The following DHX29 variants were observed in gnomAD, a reference collection of about 807,000 sequenced individuals.
DHX29 encodes the protein ATP-dependent RNA helicase DHX29.
A neutral mutation model predicts 167.9 loss-of-function variants in DHX29; 79 were observed. The observed-to-expected ratio is 0.47, with a 90% confidence interval of 0.39 to 0.57. The LOEUF (loss-of-function observed/expected upper bound fraction) is 0.57, where lower values mean the gene tolerates loss of function less well. DHX29 is among the 20% of genes least tolerant of loss of function. DHX29 has a pLI of 0.00. For missense variants in DHX29, 1,347 were observed against 1,593.4 expected (o/e 0.85, Z 2.63); for synonymous variants, 530 against 546.0 (o/e 0.97, Z 0.41).
intron 11 of DHX29, 22 bp downstream of exon 11, chr5:55,283,181 G>A (rs757138585): frequency 8.4e-6 from 13 of 1,556,770 alleles, no homozygotes; most frequent in African/African-American, 1.4e-5. Context: ...ATTCACTGAG[G>A]TGGAGTTGAA....
intron 1 of DHX29, among the ~76,000 whole-genome samples, chr5:55,301,713 C>CAAAAAA (rs70992777): frequency 1.5e-3 from 94 of 64,592 alleles, no homozygotes; most frequent in Admixed American, 1.7e-3. Flanking sequence ...AACTCCATCT[C>CAAAAAA]AAAAAAAAAA....
intron 24 of DHX29, 123 bp from the exon 25 acceptor site, chr5:55,261,622 TA>T: frequency 1.5e-6 from 1 of 682,058 alleles, no homozygotes; most frequent in Non-Finnish European, 2.6e-6. Context: ...AGAGTATTTG[TA>T]AAGCTACATT....
At chr5:55,302,714 G>A (rs1293603543) in intron 1 of DHX29, among the ~76,000 whole-genome samples, 1 of 151,582 alleles carries the variant, frequency 6.6e-6, no homozygotes, top group Admixed American at 6.6e-5. Flanking sequence ...TCACTTCCTT[G>A]AAGTTGGCTT....
rs540194643 is a variant in DHX29 at position 55,302,040 on chromosome 5, C to A, written c.188-3376G>T. On this transcript the variant is annotated intron_variant, in intron 1 of 26. Coordinates refer to ENST00000251636, the MANE Select transcript of DHX29 (RefSeq NM_019030.4). ...AATTACTGCTATGCTATAGTTATAT[C>A]GGAGGTACCCAAAGCTACATGGCAT... 2.0e-5 allele frequency among the ~76,000 whole-genome samples: 3 copies of A among 152,196 alleles called. No individual in the cohort carries two copies. In the South Asian group the frequency reaches 6.2e-4, roughly 32 times the overall value.
chr5:55,307,516 C>T lies in DHX29; in HGVS notation c.58G>A (p.Val20Met). 2 of 1,613,608 alleles carry T rather than the reference C, an allele frequency of 1.2e-6. No homozygotes were observed. Among genetic ancestry groups the T allele is most frequent in the Non-Finnish European group, 1.7e-6 (2 of 1,179,950 alleles). Residue 20 changes from valine (V) to methionine (M), a missense_variant, in exon 1 of 27, where the codon GTG (valine) becomes ATG (methionine). Physicochemically the swap from Val to Met is conservative, Grantham distance 21 (BLOSUM62 1). Around this residue, in one of 3 missense-constraint regions of DHX29, gnomAD observed 405 missense variants for 416.8 expected, o/e 0.97. Transcript: ENST00000251636. ...APAAAVVRAA[V>M]SASRAKSAEA... ...GCAGATTTGGCTCTGGAAGCAGACA[C>T]GGCGGCCCGGACCACCGCGGCCGCT...
intron 26 of DHX29, among the ~76,000 whole-genome samples, chr5:55,257,521 C>G (rs1746111016): frequency 6.6e-6 from 1 of 152,162 alleles, no homozygotes; most frequent in African/African-American, 2.4e-5. Context: ...AACTCCTGGG[C>G]TCAAGCAATC....
chr5:55,281,236 G>C (rs1747395071), intron 12 of DHX29, 136 bp downstream of exon 12: 1 of 653,234 alleles, frequency 1.5e-6, no homozygotes, highest in African/African-American at 1.9e-5. Flanking sequence ...AGATACATTT[G>C]TTACAAGAAA....
rs1410143552 is a variant in DHX29, at chr5:55,283,098, A to G, written c.1965+105T>C. ...CCTGAAATGTGCTACTGATCAACCA[A>G]TAGCAGTGAAAACTCACATATGGTA... On this transcript the variant is annotated intron_variant, in intron 11 of 26. Coordinates refer to ENST00000251636, the MANE Select transcript of DHX29 (RefSeq NM_019030.4). The G allele has an allele frequency of 4.0e-6, 5 of 1,261,024 alleles. No homozygotes were observed. In the African/African-American group the frequency reaches 7.5e-5, roughly 19 times the overall value. 78.1% of individuals were successfully genotyped at this position (1,261,024 alleles called of 1,614,324 possible).
At chr5:55,295,651 T>C (rs1374127731) in intron 4 of DHX29, 127 bp from the exon 5 acceptor site, 1 of 868,628 alleles carries the variant, frequency 1.2e-6, no homozygotes, top group East Asian at 2.6e-5. Flanking sequence ...TTCCCTCATC[T>C]CCTAAGAATA....
rs111771500 is a variant in DHX29, at chr5:55,262,655, T to A, written c.3803A>T (p.His1268Leu). The stretch of plus-strand genomic sequence containing the variant: ...CTTCTCCTGGTATAAGAGCCATCCA[T>A]GAGTTTGCAAATCTCGATTTACTGA... The part of the protein sequence containing the change: ...PSSVNRDLQT[H>L]GWLLYQEKIR... Residue 1268 changes from histidine to leucine, a missense_variant, in exon 24 of 27, where the codon CAT (histidine) becomes CTT (leucine). Transcript: ENST00000251636. 7.4e-6 allele frequency: 12 copies of A among 1,613,982 alleles called. No homozygotes were observed. The highest frequency in any genetic ancestry group is 1.0e-5 in the Non-Finnish European group (12 of 1,179,970).
In DHX29 at chr5:55,269,635, T is replaced by C. The variant is rs1243741383; in HGVS notation, c.3072A>G (p.Lys1024=). The C allele has an allele frequency of 1.4e-5, 23 of 1,610,880 alleles. No homozygotes were observed. The highest frequency in any genetic ancestry group is 1.8e-5 in the Non-Finnish European group (21 of 1,177,506). ...AATCTTCAGGAGAACCAAGATTACA[T>C]TTCTGCAGATTAAAAAAGCAATAAA... ...PLEELCLHIM[K]CNLGSPEDFL... The change falls in exon 21 of 27, where the codon AAA becomes AAG. Residue 1024 remains lysine, a splice_region_variant and synonymous_variant. Coordinates refer to ENST00000251636, the MANE Select transcript of DHX29 (RefSeq NM_019030.4).
At chr5:55,263,557 G>A (rs182558524) in intron 23 of DHX29, among the ~76,000 whole-genome samples, 1 of 151,816 alleles carries the variant, frequency 6.6e-6, no homozygotes, top group African/African-American at 2.4e-5. Context: ...TTTAAGTTTG[G>A]GGCTTAAGGG....
At chr5:55,270,517 T>C (rs1258326921) in intron 19 of DHX29, 30 bp from the exon 20 acceptor site, 1 of 1,613,116 alleles carries the variant, frequency 6.2e-7, no homozygotes, top group African/African-American at 1.3e-5. Context: ...TAAATACATA[T>C]TATCAGAAAT....
rs1254512452 is a variant in DHX29 at position 55,290,241 on chromosome 5, T to C, written c.884A>G (p.Glu295Gly). ...ACCTCTTTGAAATTTCCTTATTTTT[T>C]CCTGAGCCTCTTTTTGGCCTTGCTT... Reference protein sequence around the residue: ...KNKQGQKEAQEKIRKFQREME... With the variant: ...KNKQGQKEAQGKIRKFQREME... The change falls in exon 7 of 27, where the codon GAA (glutamate) becomes GGA (glycine). Residue 295 changes from glutamate to glycine, a missense_variant. Transcript: ENST00000251636. 29 of 1,610,094 alleles carry C rather than the reference T, an allele frequency of 1.8e-5. No individual in the cohort carries two copies. Among genetic ancestry groups the C allele is most frequent in the Non-Finnish European group, 2.5e-5 (29 of 1,179,412 alleles).
rs143907477 is a variant in DHX29, at chr5:55,301,249, C to T, written c.188-2585G>A. ...TTCAATCTGCCGTAACATTACACAT[C>T]ATGTAGCCAACTGGACAACCTCACT... On this transcript the variant is annotated intron_variant, in intron 1 of 26. Coordinates refer to ENST00000251636, the MANE Select transcript of DHX29 (RefSeq NM_019030.4). Among the ~76,000 whole-genome samples, 204 of 152,310 alleles carry T rather than the reference C, an allele frequency of 1.3e-3. 2 individuals carry two copies. In the Middle Eastern group the frequency reaches 0.024, roughly 18 times the overall value.
At chr5:55,275,683 G>A (rs1321146323) in intron 14 of DHX29, among the ~76,000 whole-genome samples, 1 of 152,014 alleles carries the variant, frequency 6.6e-6, no homozygotes, top group Non-Finnish European at 1.5e-5. Context: ...ACATGTCATT[G>A]AGACTAACTT....
intron 1 of DHX29, among the ~76,000 whole-genome samples, chr5:55,303,869 T>C (rs1748724540): frequency 6.6e-6 from 1 of 152,218 alleles, no homozygotes; most frequent in African/African-American, 2.4e-5. Flanking sequence ...ATAGCACTTT[T>C]TCTATTTTAG....
At chr5:55,282,202 CA>C (rs1327237872) in intron 11 of DHX29, among the ~76,000 whole-genome samples, 2 of 152,112 alleles carry the variant, frequency 1.3e-5, no homozygotes, top group African/African-American at 4.8e-5. Flanking sequence ...CCTAAATAAT[CA>C]TGGAGCAAAA....
chr5:55,271,790 C>T (rs569676188), intron 18 of DHX29, among the ~76,000 whole-genome samples: 2 of 152,216 alleles, frequency 1.3e-5, no homozygotes, highest in Admixed American at 6.5e-5. Flanking sequence ...TTTTGTTAAA[C>T]AATTTATTTT....
Sources: gnomAD v4.1 joint callset for allele counts (sites outside exome capture counted in the v4.1 genomes callset) on GRCh38, gnomAD v4.1.1 for gene constraint, gnomAD v4.1.1 regional missense constraint, MANE v1.5 for transcripts, NCBI Gene and HGNC (gene_info 2026-07-23, HGNC 2026-07-21) for gene names.